Variants in NLGN4X observed in about 807,000 individuals in gnomAD.
The protein encoded by NLGN4X is neuroligin-4, X-linked.
In NLGN4X, 3 loss-of-function variants were observed where a neutral mutation model predicts 40.3. The ratio of observed to expected loss-of-function variants is 0.07; its 90% CI spans 0.03 to 0.19. The LOEUF is 0.19. NLGN4X is among the 10% of genes least tolerant of loss of function. The pLI, the probability that NLGN4X is intolerant of heterozygous loss-of-function variation, is 1.00. For missense variants in NLGN4X, 382 were observed against 708.3 expected, an observed-to-expected ratio of 0.54 and a Z score of 5.23; for synonymous variants, 270 against 306.8, an observed-to-expected ratio of 0.88 and a Z score of 1.25.
intron 2 of NLGN4X, among the ~76,000 whole-genome samples, chrX:6,127,251 T>C (rs1181280518): frequency 1.8e-5 from 2 of 112,051 alleles, no homozygotes; most frequent in African/African-American, 6.5e-5. Context: ...CCCATCTTAA[T>C]TACATTTCTC....
intron 5 of NLGN4X, among the ~76,000 whole-genome samples, chrX:5,902,548 G>C (rs915193593): frequency 3.6e-5 from 4 of 111,059 alleles, no homozygotes; most frequent in African/African-American, 6.6e-5. Flanking sequence ...AATTAGCCAG[G>C]CATGGTGGCA....
chrX:6,000,306 G>A (rs766955551), intron 3 of NLGN4X, among the ~76,000 whole-genome samples: 38 of 112,318 alleles, frequency 3.4e-4, no homozygotes, highest in African/African-American at 8.7e-4. Flanking sequence ...AAATATTGGC[G>A]TTTGGTTTCT....
In NLGN4X at chrX:5,893,102, A is replaced by G. The variant is rs1173303957; in HGVS notation, c.2166T>C (p.Ala722=). ...ACATGATCTCTTCGTTCTGGATGTG[A>G]GCGATATCATTTGTGGTGTTTCTCT... The part of the protein sequence containing the change: ...SPQRNTTNDI[A]HIQNEEIMSL... Residue 722 remains alanine, a synonymous_variant, in exon 6 of 6, where the codon GCT becomes GCC. Transcript: ENST00000381095. The G allele has an allele frequency of 8.3e-7, 1 of 1,211,132 alleles. No homozygotes were observed. Among genetic ancestry groups the G allele is most frequent in the South Asian group, 1.8e-5 (1 of 56,907 alleles).
chrX:6,037,328 A>T lies in NLGN4X; in HGVS notation c.473-7896T>A, dbSNP rs185681578. ...CACAAAAAAAAATAAAAATAAAAATAAAAAAATTAAAAAAAATTGGAAAAC... is the reference window on the plus strand; with the variant it reads ...CACAAAAAAAAATAAAAATAAAAATTAAAAAATTAAAAAAAATTGGAAAAC... On this transcript the variant is annotated intron_variant, in intron 2 of 5. Transcript: ENST00000381095. Among the ~76,000 whole-genome samples, 117 of 110,456 alleles carry T rather than the reference A, an allele frequency of 1.1e-3. No homozygotes were observed. In the South Asian group the frequency reaches 0.017, roughly 16 times the overall value.
intron 3 of NLGN4X, among the ~76,000 whole-genome samples, chrX:5,922,218 C>T (rs1211914635): frequency 9.0e-6 from 1 of 111,158 alleles, no homozygotes; most frequent in African/African-American, 3.3e-5. Context: ...TGTCAGATTT[C>T]ACCTCTTTTA....
intron 2 of NLGN4X, among the ~76,000 whole-genome samples, chrX:6,131,129 G>A (rs1051977127): frequency 1.5e-4 from 16 of 109,721 alleles, no homozygotes; most frequent in African/African-American, 4.3e-4. Context: ...GAATACCACC[G>A]ATAAATAATA....
At chrX:5,901,713 T>C (rs2031876970) in intron 5 of NLGN4X, among the ~76,000 whole-genome samples, 1 of 109,805 alleles carries the variant, frequency 9.1e-6, no homozygotes, top group East Asian at 2.8e-4. Flanking sequence ...ATGATACAAA[T>C]ATCATATATT....
chrX:6,029,403 C>T lies in NLGN4X; in HGVS notation c.502G>A (p.Val168Ile), dbSNP rs758691611. 3.6e-5 allele frequency: 44 copies of T among 1,208,527 alleles called. No individual in the cohort carries two copies. The highest frequency in any genetic ancestry group is 3.9e-5 in the Non-Finnish European group (35 of 894,527). ...DIHDQNSKKP[V>I]MVYIHGGSYM... ...GATCCCCCATGGATATAGACCATGACGGGCTTCTTACTGTTCTGATCATGA... is the reference window on the plus strand; with the variant it reads ...GATCCCCCATGGATATAGACCATGATGGGCTTCTTACTGTTCTGATCATGA... The change falls in exon 3 of 6, where the codon GTC becomes ATC. Residue 168 changes from valine (V) to isoleucine (I), a missense_variant. This residue lies in a region of NLGN4X where 115 missense variants were observed against 149.6 expected (regional missense o/e 0.77). Transcript: ENST00000381095.
At chrX:5,942,087 G>A (rs111973198) in intron 3 of NLGN4X, among the ~76,000 whole-genome samples, 25 of 109,126 alleles carry the variant, frequency 2.3e-4, no homozygotes, top group African/African-American at 4.3e-4. Context: ...AACATCCTGC[G>A]TCAACAAAAA....
intron 2 of NLGN4X, among the ~76,000 whole-genome samples, chrX:6,132,132 T>C (rs2039693019): frequency 8.9e-6 from 1 of 111,743 alleles, no homozygotes; most frequent in African/African-American, 3.3e-5. Context: ...AAAAATTGAG[T>C]AAGACAATGC....
At chrX:6,018,880 A>G (rs1211869262) in intron 3 of NLGN4X, among the ~76,000 whole-genome samples, 3 of 112,408 alleles carry the variant, frequency 2.7e-5, no homozygotes, top group South Asian at 7.3e-4. Context: ...CATTGAAGCA[A>G]TGTTGCGTTG....
At chrX:6,150,944 C>G (rs1432613141) in intron 2 of NLGN4X, 51 bp downstream of exon 2, 24 of 1,025,986 alleles carry the variant, frequency 2.3e-5, no homozygotes, top group Non-Finnish European at 3.0e-5. Context: ...TAGCAAATCT[C>G]TCTACACACT....
intron 1 of NLGN4X, among the ~76,000 whole-genome samples, chrX:6,157,812 C>T (rs1040678361): frequency 2.7e-5 from 3 of 111,313 alleles, no homozygotes; most frequent in Admixed American, 9.6e-5. Flanking sequence ...GGGGTTACAA[C>T]GTCAACATGG....
chrX:6,152,329 C>T (rs963624528), intron 1 of NLGN4X, among the ~76,000 whole-genome samples: 1 of 112,123 alleles, frequency 8.9e-6, no homozygotes, highest in Admixed American at 9.5e-5. Flanking sequence ...GTTGAATGAT[C>T]AAACAGATGT....
At chrX:6,096,138 A>G (rs2147469870) in intron 2 of NLGN4X, among the ~76,000 whole-genome samples, 1 of 112,155 alleles carries the variant, frequency 8.9e-6, no homozygotes, top group South Asian at 3.7e-4. Context: ...ATTCCACAGG[A>G]CACTGCATCC....
At chrX:6,072,113 A>C (rs2038078942) in intron 2 of NLGN4X, among the ~76,000 whole-genome samples, 1 of 111,209 alleles carries the variant, frequency 9.0e-6, no homozygotes, top group Non-Finnish European at 1.9e-5. Context: ...AGAAAGCTGG[A>C]AATAGATTTC....
chrX:5,924,372 A>G (rs1239587214), intron 3 of NLGN4X, among the ~76,000 whole-genome samples: 2 of 111,661 alleles, frequency 1.8e-5, no homozygotes, highest in African/African-American at 3.2e-5. Context: ...ATGAAAAAAA[A>G]AAAACCTCTC....
chrX:6,193,829 G>A (rs956746612), intron 1 of NLGN4X, among the ~76,000 whole-genome samples: 3 of 111,922 alleles, frequency 2.7e-5, no homozygotes, highest in Non-Finnish European at 5.6e-5. Flanking sequence ...AGTTTTGTTG[G>A]AGATCATCAA....
intron 3 of NLGN4X, among the ~76,000 whole-genome samples, chrX:5,934,402 G>T (rs60437269): frequency 0.014 from 1,550 of 111,865 alleles, 21 homozygotes; most frequent in African/African-American, 0.047. Context: ...ATGAAAACCT[G>T]TAACAATCTG....
Sources: gnomAD v4.1 joint callset for allele counts (sites outside exome capture counted in the v4.1 genomes callset) on GRCh38, gnomAD v4.1.1 for gene constraint, gnomAD v4.1.1 regional missense constraint, MANE v1.5 for transcripts, NCBI Gene and HGNC (gene_info 2026-07-23, HGNC 2026-07-21) for gene names.